ABCB1: variants seen among roughly 807,000 people sequenced by gnomAD.
The protein encoded by ABCB1 is ATP binding cassette subfamily B member 1.
Under a neutral mutation model 142.0 loss-of-function variants are expected in ABCB1, and 69 were observed. That is an observed-to-expected ratio of 0.49 (90% confidence interval 0.40 to 0.59). The LOEUF (loss-of-function observed/expected upper bound fraction) is 0.59. ABCB1 is among the 20% of genes least tolerant of loss of function. ABCB1 has a pLI of 0.00. For missense variants in ABCB1, 1,326 were observed against 1,554.7 expected, an observed-to-expected ratio of 0.85 and a Z score of 2.47; for synonymous variants, 532 against 539.2, an observed-to-expected ratio of 0.99 and a Z score of 0.18.
chr7:87,556,683 T>C (rs531395895), intron 8 of ABCB1, among the ~76,000 whole-genome samples: 1 of 152,214 alleles, frequency 6.6e-6, no homozygotes, highest in East Asian at 1.9e-4. Flanking sequence ...CTGGTCTCCC[T>C]GCTTCCACCC....
intron 1 of ABCB1, among the ~76,000 whole-genome samples, chr7:87,637,537 G>A (rs201712283): frequency 5.9e-5 from 9 of 152,042 alleles, no homozygotes; most frequent in Non-Finnish European, 1.0e-4. Context: ...TAAGACTTAC[G>A]TGCAACCCAT....
At chr7:87,505,758 A>G in intron 27 of ABCB1, 139 bp downstream of exon 27, 1 of 1,046,350 alleles carries the variant, frequency 9.6e-7, no homozygotes, top group South Asian at 1.4e-5. Flanking sequence ...TAACAGCTAC[A>G]GAAAGTGTTT....
At chr7:87,621,349 TA>T (rs1211907397) in intron 1 of ABCB1, among the ~76,000 whole-genome samples, 1 of 152,166 alleles carries the variant, frequency 6.6e-6, no homozygotes, top group East Asian at 1.9e-4. Flanking sequence ...AGCAGTAGAC[TA>T]AAATTGTATA....
intron 25 of ABCB1, among the ~76,000 whole-genome samples, chr7:87,510,306 A>C (rs1428144761): frequency 1.3e-5 from 2 of 152,228 alleles, no homozygotes; most frequent in African/African-American, 2.4e-5. Context: ...GTCAGGAACT[A>C]CAGGGGATGG....
At chr7:87,630,644 T>C (rs1035734124) in intron 1 of ABCB1, among the ~76,000 whole-genome samples, 7 of 151,878 alleles carry the variant, frequency 4.6e-5, no homozygotes, top group Non-Finnish European at 1.0e-4. Context: ...TCAGCTTTTG[T>C]TAAACTTCAC....
intron 4 of ABCB1, among the ~76,000 whole-genome samples, chr7:87,572,410 G>C: frequency 6.6e-6 from 1 of 152,048 alleles, no homozygotes. Context: ...TTTTGTTCAA[G>C]GTCAAAATTG....
intron 1 of ABCB1, among the ~76,000 whole-genome samples, chr7:87,615,978 C>T (rs925991255): frequency 6.6e-6 from 1 of 152,120 alleles, no homozygotes; most frequent in Non-Finnish European, 1.5e-5. Flanking sequence ...CAAGCTCATG[C>T]GTGGCTTTGC....
At chr7:87,567,080 G>A (rs950244363) in intron 5 of ABCB1, 104 bp from the exon 6 acceptor site, 15 of 1,061,518 alleles carry the variant, frequency 1.4e-5, no homozygotes, top group Middle Eastern at 2.0e-4. Flanking sequence ...TGGGTATCTC[G>A]CCATCCTTAA....
chr7:87,545,951 C>T lies in ABCB1; in HGVS notation c.1799G>A (p.Gly600Asp), dbSNP rs748125208. The T allele has an allele frequency of 1.4e-5, 22 of 1,614,062 alleles. No individual in the cohort carries two copies. The highest frequency in any genetic ancestry group is 1.9e-5 in the Non-Finnish European group (22 of 1,179,962). Residue 600 changes from glycine (G) to aspartate (D), a missense_variant, in exon 15 of 28, where the codon GGT becomes GAT. Physicochemically the swap from Gly to Asp is moderately conservative, Grantham distance 94 (BLOSUM62 -1). Transcript: ENST00000622132. Reference sequence around the variant, plus strand: ...CTCCACAATGACTCCATCATCGAAACCAGCGATGACGTCAGCATTACGAAC... The same window carrying T: ...CTCCACAATGACTCCATCATCGAAATCAGCGATGACGTCAGCATTACGAAC... Reference protein sequence around the residue: ...STVRNADVIAGFDDGVIVEKG... With the variant: ...STVRNADVIADFDDGVIVEKG...
intron 1 of ABCB1, among the ~76,000 whole-genome samples, chr7:87,694,758 G>T (rs761470632): frequency 2.6e-5 from 4 of 151,780 alleles, no homozygotes; most frequent in African/African-American, 4.8e-5. Context: ...CTGGTGGAAG[G>T]GAAAAAACAA....
intron 1 of ABCB1, among the ~76,000 whole-genome samples, chr7:87,677,133 A>G: frequency 6.6e-6 from 1 of 152,168 alleles, no homozygotes; most frequent in East Asian, 1.9e-4. Context: ...TGGGTTATTT[A>G]TTGAAAGAAG....
intron 18 of ABCB1, among the ~76,000 whole-genome samples, chr7:87,540,468 A>C (rs1415758361): frequency 6.6e-6 from 1 of 152,076 alleles, no homozygotes; most frequent in Non-Finnish European, 1.5e-5. Flanking sequence ...AGAGACAGGG[A>C]CTCACTCTGT....
chr7:87,661,384 C>T (rs529397590), intron 1 of ABCB1, among the ~76,000 whole-genome samples: 27 of 151,716 alleles, frequency 1.8e-4, no homozygotes, highest in Non-Finnish European at 7.4e-5. Flanking sequence ...TTTTTGTACC[C>T]ATTAACCATC....
chr7:87,628,558 CCGAGGGCGGAGGTGGT>C, intron 1 of ABCB1: 1 of 319,566 alleles, frequency 3.1e-6, no homozygotes, highest in Non-Finnish European at 5.6e-6. Flanking sequence ...CGGCGGCGCG[CCGAGGGCGGAGGTGGT>C]GCGTGCGTGC....
rs779788253 is a variant in ABCB1, at chr7:87,509,328, C to T, written c.3436G>A (p.Val1146Met). 1.7e-5 allele frequency: 28 copies of T among 1,614,052 alleles called. No individual in the cohort carries two copies. The highest frequency in any genetic ancestry group is 2.3e-5 in the Non-Finnish European group (27 of 1,180,038). The change falls in exon 26 of 28, where the codon GTG becomes ATG. Residue 1146 changes from valine (V) to methionine (M), a missense_variant. Coordinates refer to ENST00000622132, the MANE Select transcript of ABCB1 (RefSeq NM_001348946.2). ...ATGTTGGCCTCCTTTGCTGCCCTCA[C>T]AATCTCTTCCTGTGACACCACCCGG... ...NSRVVSQEEI[V>M]RAAKEANIHA...
intron 9 of ABCB1, among the ~76,000 whole-genome samples, chr7:87,552,591 G>A (rs1817122829): frequency 6.7e-6 from 1 of 149,376 alleles, no homozygotes; most frequent in South Asian, 2.1e-4. Context: ...CTCAATCACA[G>A]TTAAACAGAA....
At chr7:87,704,187 C>T (rs1829391722) in intron 1 of ABCB1, among the ~76,000 whole-genome samples, 1 of 151,968 alleles carries the variant, frequency 6.6e-6, no homozygotes, top group South Asian at 2.1e-4. Context: ...TCGCAAAGTG[C>T]TGGGATTATA....
intron 1 of ABCB1, among the ~76,000 whole-genome samples, chr7:87,647,762 A>G (rs767744310): frequency 2.1e-5 from 3 of 142,832 alleles, no homozygotes; most frequent in Non-Finnish European, 4.8e-5. Context: ...ACAAATACAC[A>G]TCATGATCAG....
chr7:87,635,503 C>T (rs913686076), intron 1 of ABCB1, among the ~76,000 whole-genome samples: 2 of 152,118 alleles, frequency 1.3e-5, no homozygotes, highest in Non-Finnish European at 2.9e-5. Flanking sequence ...TCTCATGCAG[C>T]TGTTAGAAAT....
Sources: allele counts gnomAD v4.1 joint callset (sites outside exome capture counted in the v4.1 genomes callset), GRCh38; gene constraint gnomAD v4.1.1; transcripts MANE v1.5; gene names NCBI Gene and HGNC (gene_info 2026-07-23, HGNC 2026-07-21).